Variants in HEATR4 observed in about 807,000 individuals in gnomAD.
HEATR4 encodes the protein HEAT repeat-containing protein 4.
HEATR4 carries 95 observed loss-of-function variants against 108.8 expected under a neutral mutation model. The observed-to-expected ratio is 0.87, with a 90% CI of 0.74 to 1.04. The LOEUF (loss-of-function observed/expected upper bound fraction) is 1.04, where lower values mean the gene tolerates loss of function less well. Ranked by LOEUF, HEATR4 falls within the 50% of genes least tolerant of loss-of-function variation. The probability of loss-of-function intolerance (pLI) is 0.00; values close to 1 mark genes in which losing one functional copy is unlikely to be tolerated. For synonymous variants in HEATR4, 443 were observed against 459.4 expected, an observed-to-expected ratio of 0.96 and a Z score of 0.46; for missense variants, 1,152 against 1,253.8, an observed-to-expected ratio of 0.92 and a Z score of 1.23.
intron 2 of HEATR4, among the ~76,000 whole-genome samples, chr14:73,526,607 G>A (rs1021441658): frequency 5.3e-5 from 8 of 152,148 alleles, no homozygotes; most frequent in African/African-American, 1.9e-4. Context: ...TCAGCCACAG[G>A]AAAATAAAGC....
chr14:73,624,558 C>G, the HEATR4 span, among the ~76,000 whole-genome samples: 2 of 152,270 alleles, frequency 1.3e-5, no homozygotes, highest in African/African-American at 4.8e-5. Context: ...ACCATGATCA[C>G]ACCACTGCAC....
At chr14:73,514,393 C>T (rs1337186296) in intron 5 of HEATR4, among the ~76,000 whole-genome samples, 159 bp from the exon 6 acceptor site, 1 of 151,950 alleles carries the variant, frequency 6.6e-6, no homozygotes, top group Admixed American at 6.6e-5. Context: ...GAACTGAGTA[C>T]ATGTACACAG....
In HEATR4 at chr14:73,491,733, A is replaced by G. The variant is rs45506292; in HGVS notation, c.2844+1333T>C. The G allele has an allele frequency of 4.4e-3, 6,783 of 1,553,588 alleles. 37 individuals are homozygous for G. Among genetic ancestry groups the G allele is most frequent in the Middle Eastern group, 0.038 (227 of 5,992 alleles). On this transcript the variant is annotated intron_variant, in intron 17 of 17. Coordinates refer to ENST00000553558, the MANE Select transcript of HEATR4 (RefSeq NM_001220484.1). ...CGGCGGCAGGACCACACCTACTACC[A>G]GGGACTTTTCTCTACCGCTGACCTG...
At chr14:73,559,912 G>A (rs1013905933), upstream of HEATR4, among the ~76,000 whole-genome samples, 6 of 152,010 alleles carry the variant, frequency 3.9e-5, no homozygotes, top group Admixed American at 1.3e-4. Context: ...GAAGCTGTCC[G>A]TCGACTTTTC....
intron 6 of HEATR4, among the ~76,000 whole-genome samples, chr14:73,512,660 A>G (rs1887339344): frequency 6.6e-6 from 1 of 152,236 alleles, no homozygotes; most frequent in Non-Finnish European, 1.5e-5. Flanking sequence ...TGAAGGTTCA[A>G]TAAATGTTAA....
At chr14:73,491,667 A>G (rs758646862) in intron 17 of HEATR4, 367 of 1,549,798 alleles carry the variant, frequency 2.4e-4, no homozygotes, top group Middle Eastern at 7.0e-4. Flanking sequence ...CCGCCAGATC[A>G]CTTTTACCGG....
At chr14:73,541,657 T>C in intron 1 of HEATR4, 1 of 1,243,614 alleles carries the variant, frequency 8.0e-7, no homozygotes, top group Non-Finnish European at 1.1e-6. Flanking sequence ...TCTGGAGTAC[T>C]TTGAAGAAGC....
chr14:73,525,826 G>T (rs546081582), intron 2 of HEATR4, among the ~76,000 whole-genome samples: 1 of 152,174 alleles, frequency 6.6e-6, no homozygotes, highest in South Asian at 2.1e-4. Context: ...GGTGGTGGGG[G>T]CCTATAATCC....
In HEATR4 at chr14:73,523,215, G is replaced by A; in HGVS notation, c.-63C>T. 6.8e-7 allele frequency: 1 copy of A among 1,460,928 alleles called. No individual in the cohort carries two copies. The highest frequency in any genetic ancestry group is 9.1e-7 in the Non-Finnish European group (1 of 1,100,852). 90.5% of individuals were successfully genotyped at this position (1,460,928 alleles called of 1,614,324 possible). A position where few individuals can be genotyped will look rare whatever the true frequency, so the allele number is the denominator to read the frequency against. Reference sequence around the variant, plus strand: ...GCCTAGAGGAAAGGCCTGGAGATGAGACCTGGCACCTGTTAAGGGAATGGG... The same window carrying A: ...GCCTAGAGGAAAGGCCTGGAGATGAAACCTGGCACCTGTTAAGGGAATGGG... On this transcript the variant is annotated 5_prime_UTR_variant, in exon 3 of 18. Coordinates refer to ENST00000553558, the MANE Select transcript of HEATR4 (RefSeq NM_001220484.1).
Position 73,522,586 on chromosome 14 carries a change from TTC to T in HEATR4, c.565_566del (p.Glu189SerfsTer7), listed in dbSNP as rs761028857. 1.4e-5 allele frequency: 23 copies of T among 1,614,110 alleles called. No individual in the cohort carries two copies. The Admixed American group carries it at 2.2e-4, about 15-fold the overall frequency. On this transcript the variant is annotated frameshift_variant, in exon 3 of 18. Transcript: ENST00000553558. LOFTEE classifies it high-confidence loss of function. ...CCTTCTCAGGAGGCAGAAGCCAGGC[TTC>T]TCTTTCCTCCAGGTTCACATCTAGA... ...PSLDVNLEER[E>X]AWLLPPEKEA... is the part of the protein sequence containing the mutation.
chr14:73,576,884 A>T, the HEATR4 span, among the ~76,000 whole-genome samples: 1 of 138,352 alleles, frequency 7.2e-6, no homozygotes, highest in African/African-American at 2.7e-5. Flanking sequence ...TTTAAACCTT[A>T]GTTGTATTTA....
Position 73,514,250 on chromosome 14 carries a change from G to A in HEATR4, c.1211-16C>T, listed in dbSNP as rs914874410. ...GGTCTGTAAGCTGTGCAACGTGGCAGTGTGAGGTCTTTTCACCCCACTGCC... is the reference window on the plus strand; with the variant it reads ...GGTCTGTAAGCTGTGCAACGTGGCAATGTGAGGTCTTTTCACCCCACTGCC... On this transcript the variant is annotated splice_polypyrimidine_tract_variant and intron_variant, in intron 5 of 17. Transcript: ENST00000553558. The A allele has an allele frequency of 1.2e-6, 2 of 1,610,386 alleles. No individual in the cohort carries two copies. Among genetic ancestry groups the A allele is most frequent in the Non-Finnish European group, 1.7e-6 (2 of 1,177,430 alleles).
chr14:73,483,060 A>G (rs1885316395), intron 17 of HEATR4, among the ~76,000 whole-genome samples: 1 of 152,238 alleles, frequency 6.6e-6, no homozygotes, highest in African/African-American at 2.4e-5. Flanking sequence ...AACCAAATGT[A>G]TAGAGCAACT....
chr14:73,490,631 T>A (rs1172421882), intron 17 of HEATR4, among the ~76,000 whole-genome samples: 1 of 152,092 alleles, frequency 6.6e-6, no homozygotes, highest in Non-Finnish European at 1.5e-5. Flanking sequence ...ATTTTTGTAG[T>A]TTTAGTACAG....
intron 1 of HEATR4, among the ~76,000 whole-genome samples, chr14:73,554,696 C>G (rs1366005869): frequency 8.7e-6 from 1 of 114,826 alleles, no homozygotes; most frequent in African/African-American, 2.8e-5. Flanking sequence ...CAGAGAGCAG[C>G]ACTGGTTCTG....
intron 2 of HEATR4, among the ~76,000 whole-genome samples, chr14:73,524,310 A>AATATATATATATATAT (rs58047390): frequency 2.6e-4 from 14 of 54,768 alleles, no homozygotes; most frequent in Non-Finnish European, 3.7e-4. Flanking sequence ...AAAAAAAAAA[A>AATATATATATATATAT]ATATATATAT....
the HEATR4 span, among the ~76,000 whole-genome samples, chr14:73,584,011 A>C: frequency 6.6e-5 from 10 of 151,196 alleles, no homozygotes; most frequent in Non-Finnish European, 1.5e-4. Flanking sequence ...AAAAAAAAAA[A>C]CAGACAAAAT....
In HEATR4 at chr14:73,546,275, T is replaced by C. The variant is rs554470393; in HGVS notation, c.-152+12476A>G. Among the ~76,000 whole-genome samples, 779 of 114,030 alleles carry C rather than the reference T, an allele frequency of 6.8e-3. 242 individuals are homozygous for C. Among genetic ancestry groups the C allele is most frequent in the Admixed American group, 0.012 (120 of 10,142 alleles). 74.8% of individuals were successfully genotyped at this position (114,030 alleles called of 152,430 possible). A position where few individuals can be genotyped will look rare whatever the true frequency, so the allele number is the denominator to read the frequency against. On this transcript the variant is annotated intron_variant, in intron 1 of 17. Coordinates refer to ENST00000553558, the MANE Select transcript of HEATR4 (RefSeq NM_001220484.1). ...GGATTATAGGCGTGAGCCACCGCAC[T>C]TGGCAAAAAAATGTTTTAATAACAT...
chr14:73,529,583 T>TTTA (rs1250372518), intron 2 of HEATR4, among the ~76,000 whole-genome samples: 1 of 152,038 alleles, frequency 6.6e-6, no homozygotes, highest in Non-Finnish European at 1.5e-5. Flanking sequence ...CTGCCTCTAA[T>TTTA]ATTTTATGAA....
Sources: gnomAD v4.1 joint callset for allele counts (sites outside exome capture counted in the v4.1 genomes callset) on GRCh38, gnomAD v4.1.1 for gene constraint, MANE v1.5 for transcripts, NCBI Gene and HGNC (gene_info 2026-07-23, HGNC 2026-07-21) for gene names.